Variants in SBF2 observed in about 807,000 individuals in gnomAD.
The protein encoded by SBF2 is SET binding factor 2.
In SBF2, 112 loss-of-function variants were observed where a neutral mutation model predicts 225.2. The observed-to-expected ratio is 0.50, with a 90% CI of 0.43 to 0.58. SBF2 has a LOEUF of 0.58. Ranked by LOEUF, SBF2 falls within the 20% of genes least tolerant of loss-of-function variation. The pLI, the probability that SBF2 is intolerant of heterozygous loss-of-function variation, is 0.00. For missense variants in SBF2, 1,996 were observed against 2,206.2 expected (o/e 0.90, Z 1.91); for synonymous variants, 763 against 773.3 (o/e 0.99, Z 0.22).
chr11:10,194,965 T>C (rs529585843), intron 1 of SBF2, among the ~76,000 whole-genome samples: 8 of 152,334 alleles, frequency 5.3e-5, no homozygotes, highest in Non-Finnish European at 8.8e-5. Flanking sequence ...AACTTTTCTA[T>C]GGAGATGAAA....
intron 2 of SBF2, among the ~76,000 whole-genome samples, chr11:10,172,791 C>T (rs542056198): frequency 5.1e-4 from 78 of 152,278 alleles, no homozygotes; most frequent in African/African-American, 1.7e-3. Flanking sequence ...CTCAGCCTCC[C>T]GAGTAGCTGG....
At chr11:9,899,974 G>A (rs1183247855) in intron 16 of SBF2, among the ~76,000 whole-genome samples, 1 of 151,494 alleles carries the variant, frequency 6.6e-6, no homozygotes, top group Non-Finnish European at 1.5e-5. Context: ...CTGTTACTTG[G>A]GGGGAATTGG....
intron 2 of SBF2, among the ~76,000 whole-genome samples, chr11:10,079,866 G>A (rs1043794522): frequency 1.3e-5 from 2 of 152,024 alleles, no homozygotes; most frequent in Non-Finnish European, 2.9e-5. Context: ...GACCTATCAA[G>A]GAAATCCCAA....
chr11:9,867,627 C>T (rs370797439), intron 17 of SBF2, among the ~76,000 whole-genome samples: 2 of 152,128 alleles, frequency 1.3e-5, no homozygotes, highest in East Asian at 3.9e-4. Context: ...AAATGTCCAT[C>T]AACAGATGAG....
chr11:9,970,031 C>T (rs940564060), intron 13 of SBF2, among the ~76,000 whole-genome samples: 1 of 152,142 alleles, frequency 6.6e-6, no homozygotes, highest in Non-Finnish European at 1.5e-5. Flanking sequence ...AGGATTAGAT[C>T]TCAAACACTC....
intron 2 of SBF2, among the ~76,000 whole-genome samples, chr11:10,065,584 A>T (rs541954383): frequency 6.6e-6 from 1 of 152,228 alleles, no homozygotes; most frequent in Non-Finnish European, 1.5e-5. Flanking sequence ...TAAAAGGATC[A>T]TAAGGGAATA....
At chr11:10,212,359 A>G (rs1357468996) in intron 1 of SBF2, among the ~76,000 whole-genome samples, 1 of 152,218 alleles carries the variant, frequency 6.6e-6, no homozygotes, top group Non-Finnish European at 1.5e-5. Context: ...CTCAGCTTCC[A>G]ATAACTCCTG....
chr11:10,266,814 C>T (rs1056799463), intron 1 of SBF2, among the ~76,000 whole-genome samples: 1 of 152,186 alleles, frequency 6.6e-6, no homozygotes, highest in African/African-American at 2.4e-5. Context: ...AGGGTCCGGG[C>T]GTGGTTGCTC....
intron 1 of SBF2, among the ~76,000 whole-genome samples, chr11:10,235,779 T>C (rs1450596247): frequency 6.6e-6 from 1 of 152,174 alleles, no homozygotes; most frequent in East Asian, 1.9e-4. Flanking sequence ...TGCATCTAGA[T>C]ATCCATCATT....
At chr11:10,061,294 A>C (rs1252145175) in intron 2 of SBF2, among the ~76,000 whole-genome samples, 2 of 152,216 alleles carry the variant, frequency 1.3e-5, no homozygotes, top group African/African-American at 4.8e-5. Context: ...AACTGGCACA[A>C]GACAAGGATG....
intron 4 of SBF2, 81 bp from the exon 5 acceptor site, chr11:10,029,956 T>A (rs1949196108): frequency 1.1e-6 from 1 of 944,116 alleles, no homozygotes; most frequent in Non-Finnish European, 1.7e-6. Context: ...TCTAGGACGA[T>A]TTCTCTTTGA....
intron 2 of SBF2, among the ~76,000 whole-genome samples, chr11:10,108,053 A>C (rs973305122): frequency 6.6e-6 from 1 of 152,226 alleles, no homozygotes; most frequent in Non-Finnish European, 1.5e-5. Context: ...ATATAAATGT[A>C]TATTAAAAGT....
intron 1 of SBF2, among the ~76,000 whole-genome samples, chr11:10,249,534 T>G (rs1411740816): frequency 6.6e-6 from 1 of 152,170 alleles, no homozygotes; most frequent in Non-Finnish European, 1.5e-5. Flanking sequence ...CATTGTTGCC[T>G]TTTTAAAAAT....
intron 3 of SBF2, among the ~76,000 whole-genome samples, chr11:10,034,917 A>T (rs1229847441): frequency 6.6e-6 from 1 of 152,212 alleles, no homozygotes; most frequent in Non-Finnish European, 1.5e-5. Context: ...TGTCTACATG[A>T]TCAAACCAGG....
At chr11:10,111,933 T>G (rs544742862) in intron 2 of SBF2, among the ~76,000 whole-genome samples, 67 of 152,302 alleles carry the variant, frequency 4.4e-4, no homozygotes, top group Non-Finnish European at 8.1e-4. Context: ...GTTTCACTAT[T>G]TAAAAAATTC....
intron 2 of SBF2, among the ~76,000 whole-genome samples, chr11:10,173,662 A>G (rs1490995406): frequency 5.9e-5 from 9 of 152,026 alleles, no homozygotes; most frequent in South Asian, 2.1e-4. Context: ...GCCCACCACA[A>G]CTCAAGGAGG....
At chr11:10,068,505 C>A (rs1442378892) in intron 2 of SBF2, among the ~76,000 whole-genome samples, 1 of 152,176 alleles carries the variant, frequency 6.6e-6, no homozygotes. Flanking sequence ...GAATAAAAGA[C>A]ATATTCAAAT....
At chr11:9,939,882 T>C (rs1157224084) in intron 16 of SBF2, among the ~76,000 whole-genome samples, 1 of 152,184 alleles carries the variant, frequency 6.6e-6, no homozygotes, top group Non-Finnish European at 1.5e-5. Context: ...GCTCCTAAAC[T>C]GTGGAGTAAG....
rs758912920 is a variant in SBF2, at chr11:9,856,471, T to C, written c.2350A>G (p.Ile784Val). Residue 784 changes from isoleucine to valine, a missense_variant, in exon 19 of 40, where the codon ATT becomes GTT. Transcript: ENST00000256190. ...PGDWESGSNS[I>V]VTNSIAGSVA... Reference sequence around the variant, plus strand: ...ACATTTTGGTACCTGTTTGTGACAATGCTGTTGCTTCCGCTCTCCCAGTCA... The same window carrying C: ...ACATTTTGGTACCTGTTTGTGACAACGCTGTTGCTTCCGCTCTCCCAGTCA... The C allele has an allele frequency of 1.2e-5, 19 of 1,613,868 alleles. No individual in the cohort carries two copies. In the African/African-American group the frequency reaches 2.1e-4, roughly 18 times the overall value.
Sources: gnomAD v4.1 joint callset for allele counts (sites outside exome capture counted in the v4.1 genomes callset) on GRCh38, gnomAD v4.1.1 for gene constraint, MANE v1.5 for transcripts, NCBI Gene and HGNC (gene_info 2026-07-23, HGNC 2026-07-21) for gene names.